DCHS2: variants seen among roughly 807,000 people sequenced by gnomAD.
DCHS2 encodes dachsous cadherin-related 2, also known as protocadherin-23.
A neutral mutation model predicts 182.4 loss-of-function variants in DCHS2; 142 were observed. The observed-to-expected ratio is 0.78, with a 90% CI of 0.68 to 0.89. DCHS2 has a LOEUF of 0.89. DCHS2 is among the 40% of genes least tolerant of loss of function. The pLI is 0.00. For synonymous variants in DCHS2, 1,740 were observed against 1,663.3 expected, an observed-to-expected ratio of 1.05 and a Z score of -1.12; for missense variants, 4,319 against 4,198.6, an observed-to-expected ratio of 1.03 and a Z score of -0.79.
chr4:154,319,746 A>G (rs1286669070), intron 9 of DCHS2, among the ~76,000 whole-genome samples: 2 of 151,884 alleles, frequency 1.3e-5, no homozygotes, highest in African/African-American at 4.8e-5. Context: ...GGGAATTCAA[A>G]ATGTTACAGC....
chr4:154,364,371 G>A (rs1289026213), intron 3 of DCHS2, among the ~76,000 whole-genome samples: 2 of 152,196 alleles, frequency 1.3e-5, no homozygotes, highest in Non-Finnish European at 2.9e-5. Context: ...AATGCTTTTA[G>A]ATCCTGTGCC....
intron 10 of DCHS2, among the ~76,000 whole-genome samples, chr4:154,310,403 C>A (rs761389391): frequency 2.0e-5 from 3 of 152,082 alleles, no homozygotes; most frequent in Non-Finnish European, 4.4e-5. Context: ...TCAATGGGAG[C>A]CTATAATCAC....
At chr4:154,313,379 C>G (rs921880838) in intron 10 of DCHS2, among the ~76,000 whole-genome samples, 10 of 152,146 alleles carry the variant, frequency 6.6e-5, no homozygotes, top group African/African-American at 2.4e-4. Flanking sequence ...ATTCAGTGCT[C>G]AAATCCCTGT....
intron 1 of DCHS2, among the ~76,000 whole-genome samples, chr4:154,385,372 C>T (rs1731362916): frequency 1.3e-5 from 2 of 152,068 alleles, no homozygotes; most frequent in South Asian, 2.1e-4. Flanking sequence ...TGAATAGTGC[C>T]CCCAATAAAC....
Position 154,491,335 on chromosome 4 carries a change from C to A in DCHS2, c.21G>T (p.Lys7Asn). Residue 7 changes from lysine (K) to asparagine (N), a missense_variant, in exon 1 of 20, where the codon AAG becomes AAT. Transcript: ENST00000357232. ...GCCGCTGCTGACGCCCTTCGCCCATCTTCCGCCCACAAGGGCTCATTTCTC... is the reference window on the plus strand; with the variant it reads ...GCCGCTGCTGACGCCCTTCGCCCATATTCCGCCCACAAGGGCTCATTTCTC... MSPCGR[K>N]MGEGRQQRRA... 6.5e-7 allele frequency: 1 copy of A among 1,541,910 alleles called. No homozygotes were observed.
intron 15 of DCHS2, among the ~76,000 whole-genome samples, chr4:154,256,028 A>G (rs1404896274): frequency 1.3e-5 from 2 of 152,206 alleles, no homozygotes; most frequent in African/African-American, 4.8e-5. Context: ...AAGGGAAAAA[A>G]TGTTATGGGA....
rs1285298041 is a variant in DCHS2, at chr4:154,490,226, G to A, written c.1130C>T (p.Ala377Val). The A allele has an allele frequency of 6.5e-7, 1 of 1,549,700 alleles. No individual in the cohort carries two copies. The highest frequency in any genetic ancestry group is 8.7e-7 in the Non-Finnish European group (1 of 1,146,824). The change falls in exon 1 of 20, where the codon GCC (alanine) becomes GTC (valine). Residue 377 changes from alanine (A) to valine (V), a missense_variant. Physicochemically the swap from Ala to Val is moderately conservative, Grantham distance 64. Transcript: ENST00000357232. ...GGCCTCCACCACCAACTGGTGCCAG[G>A]CCTGTGCCTCGCGGTCCAGAGGTCT... Reference protein sequence around the residue: ...VWRPLDREAQAWHQLVVEARD... With the variant: ...VWRPLDREAQVWHQLVVEARD...
At chr4:154,417,819 A>G (rs1732938187) in intron 1 of DCHS2, among the ~76,000 whole-genome samples, 1 of 152,210 alleles carries the variant, frequency 6.6e-6, no homozygotes, top group Non-Finnish European at 1.5e-5. Context: ...TAGGCTTTCA[A>G]TTCTCTTTCT....
intron 13 of DCHS2, among the ~76,000 whole-genome samples, chr4:154,277,019 T>C (rs1447567769): frequency 1.3e-5 from 2 of 152,260 alleles, no homozygotes; most frequent in African/African-American, 4.8e-5. Flanking sequence ...TTCTTTGCAG[T>C]TCTGTAGTCA....
chr4:154,426,055 C>CT (rs1180843405), intron 1 of DCHS2, among the ~76,000 whole-genome samples: 1 of 152,120 alleles, frequency 6.6e-6, no homozygotes, highest in Non-Finnish European at 1.5e-5. Flanking sequence ...CTCTTGGCCT[C>CT]TGTTTTTTTC....
At position 154,366,445 on chromosome 4, in the gene DCHS2, G is replaced by T. The variant is rs1358762576; in HGVS notation, c.2245-4C>A. 1 of 1,601,850 alleles carries T rather than the reference G, an allele frequency of 6.2e-7. No homozygotes were observed. The highest frequency in any genetic ancestry group is 1.1e-5 in the South Asian group (1 of 90,154). ...AGGCTTGGGCACTTAGCCCACCCTGGTGGATGAATGAGTGGTGATTACAAA... is the reference window on the plus strand; with the variant it reads ...AGGCTTGGGCACTTAGCCCACCCTGTTGGATGAATGAGTGGTGATTACAAA... On this transcript the variant is annotated splice_polypyrimidine_tract_variant and splice_region_variant and intron_variant, in intron 2 of 19. Coordinates refer to ENST00000357232, the MANE Select transcript of DCHS2 (RefSeq NM_001358235.2).
chr4:154,393,696 G>A (rs1307358318), intron 1 of DCHS2, among the ~76,000 whole-genome samples: 1 of 32,854 alleles, frequency 3.0e-5, no homozygotes, highest in Non-Finnish European at 2.4e-4. Flanking sequence ...CCACTCTTTC[G>A]CTGTTTCAGC....
intron 16 of DCHS2, among the ~76,000 whole-genome samples, chr4:154,247,372 G>A (rs1400832166): frequency 6.8e-6 from 1 of 147,600 alleles, no homozygotes; most frequent in East Asian, 2.0e-4. Flanking sequence ...CAGCTACTCG[G>A]GAGGCTGAGG....
chr4:154,402,672 A>T (rs1473114828), intron 1 of DCHS2, among the ~76,000 whole-genome samples: 1 of 152,110 alleles, frequency 6.6e-6, no homozygotes, highest in African/African-American at 2.4e-5. Context: ...GTCTCAAATG[A>T]GGGTTTGGAC....
At chr4:154,344,115 T>G (rs1041389588) in intron 3 of DCHS2, among the ~76,000 whole-genome samples, 2 of 152,182 alleles carry the variant, frequency 1.3e-5, no homozygotes, top group African/African-American at 4.8e-5. Context: ...ATCAGTTATG[T>G]TAGCAGTCTT....
chr4:154,301,370 C>T (rs1735188603), intron 12 of DCHS2, among the ~76,000 whole-genome samples: 1 of 152,194 alleles, frequency 6.6e-6, no homozygotes. Flanking sequence ...ACTAAATTAA[C>T]TTCTGTAACA....
chr4:154,459,734 TTCTCTCTCTCTCTCTC>T (rs60259256), intron 1 of DCHS2, among the ~76,000 whole-genome samples: 24,175 of 135,304 alleles, frequency 0.18, 2,467 homozygotes, highest in East Asian at 0.48. Context: ...TATCTACACA[TTCTCTCTCTCTCTCTC>T]TCTCTCTCTC....
At chr4:154,450,992 T>C (rs1734509370) in intron 1 of DCHS2, among the ~76,000 whole-genome samples, 1 of 152,152 alleles carries the variant, frequency 6.6e-6, no homozygotes, top group Non-Finnish European at 1.5e-5. Context: ...GTGATCCTCT[T>C]TGGATTTTGG....
intron 1 of DCHS2, among the ~76,000 whole-genome samples, chr4:154,462,530 C>G (rs1265057691): frequency 6.6e-6 from 1 of 152,126 alleles, no homozygotes; most frequent in African/African-American, 2.4e-5. Flanking sequence ...CATGGACAGA[C>G]AGAGAGACAG....
Sources: gnomAD v4.1 joint callset for allele counts (sites outside exome capture counted in the v4.1 genomes callset) on GRCh38, gnomAD v4.1.1 for gene constraint, MANE v1.5 for transcripts, NCBI Gene and HGNC (gene_info 2026-07-23, HGNC 2026-07-21) for gene names.